The following CNST variants were observed in gnomAD, a reference collection of about 807,000 sequenced individuals.
The protein encoded by CNST is consortin, connexin sorting protein.
In CNST, 39 loss-of-function variants were observed where a neutral mutation model predicts 72.4. The observed-to-expected ratio is 0.54, with a 90% confidence interval of 0.42 to 0.70. The LOEUF (loss-of-function observed/expected upper bound fraction) is 0.70. Ranked by LOEUF, CNST falls within the 30% of genes least tolerant of loss-of-function variation. The pLI, the probability that CNST is intolerant of heterozygous loss-of-function variation, is 0.00. For missense variants in CNST, 871 were observed against 868.5 expected, an observed-to-expected ratio of 1.00 and a Z score of -0.04; for synonymous variants, 332 against 320.1, an observed-to-expected ratio of 1.04 and a Z score of -0.40.
Position 246,663,929 on chromosome 1 carries a change from T to C in CNST, c.1973-1771T>C, listed in dbSNP as rs375456371. Among the ~76,000 whole-genome samples, 52 of 152,290 alleles carry C rather than the reference T, an allele frequency of 3.4e-4. 1 individual carries two copies. In the South Asian group the frequency reaches 0.01, roughly 30 times the overall value. ...GAAAAACGGATAGTCCCTTAGACTC[T>C]AAGATGCTTTTGGGGTTGCGTTTTT... On this transcript the variant is annotated intron_variant, in intron 10 of 10. Transcript: ENST00000366513.
intron 1 of CNST, among the ~76,000 whole-genome samples, chr1:246,580,094 C>A (rs945326330): frequency 6.6e-6 from 1 of 152,146 alleles, no homozygotes; most frequent in African/African-American, 2.4e-5. Context: ...CTGGTACTTA[C>A]GAATGACGGG....
chr1:246,616,993 T>A (rs1257999792), intron 2 of CNST, among the ~76,000 whole-genome samples: 2 of 152,222 alleles, frequency 1.3e-5, no homozygotes, highest in Non-Finnish European at 2.9e-5. Flanking sequence ...TTTAAAATCT[T>A]AGTATATTAT....
intron 2 of CNST, among the ~76,000 whole-genome samples, chr1:246,618,348 C>G (rs555843604): frequency 1.2e-4 from 19 of 152,274 alleles, no homozygotes; most frequent in African/African-American, 3.4e-4. Flanking sequence ...TGCTCCTTTC[C>G]CAGTGCTCTC....
At chr1:246,663,348 A>G (rs534443481) in intron 10 of CNST, among the ~76,000 whole-genome samples, 6 of 152,176 alleles carry the variant, frequency 3.9e-5, no homozygotes, top group Admixed American at 1.3e-4. Context: ...AAAAAAAAAA[A>G]AAAAGAAAGA....
intron 9 of CNST, among the ~76,000 whole-genome samples, chr1:246,651,402 C>CT (rs1172104982): frequency 1.3e-5 from 2 of 152,118 alleles, no homozygotes; most frequent in Non-Finnish European, 2.9e-5. Flanking sequence ...CTGGTTTGTT[C>CT]TTTCTTTGCC....
At chr1:246,571,529 C>G (rs1208684878) in intron 1 of CNST, among the ~76,000 whole-genome samples, 2 of 152,150 alleles carry the variant, frequency 1.3e-5, no homozygotes, top group Non-Finnish European at 2.9e-5. Flanking sequence ...TACCCTCCAC[C>G]CTTCCGTCTC....
chr1:246,666,052 C>T lies in CNST; in HGVS notation c.*147C>T, dbSNP rs544316749. The T allele has an allele frequency of 9.9e-6, 6 of 606,158 alleles. No homozygotes were observed. Among genetic ancestry groups the T allele is most frequent in the African/African-American group, 1.8e-5 (1 of 54,060 alleles). The allele number at this position is 606,158 out of a possible 1,614,324, so 37.5% of individuals were successfully genotyped here. On this transcript the variant is annotated 3_prime_UTR_variant, in exon 11 of 11. Coordinates refer to ENST00000366513, the MANE Select transcript of CNST (RefSeq NM_152609.3). ...GAAATAGCAACTTTAAGTGGCAAGC[C>T]GGAGGAACTCTGTTAGAATAATCCA...
At chr1:246,636,387 G>A (rs1323126950) in intron 6 of CNST, among the ~76,000 whole-genome samples, 1 of 152,070 alleles carries the variant, frequency 6.6e-6, no homozygotes, top group African/African-American at 2.4e-5. Flanking sequence ...GTAATTAAGG[G>A]GGAAGGTCTA....
chr1:246,591,324 G>A (rs1265874704), intron 1 of CNST, among the ~76,000 whole-genome samples, 188 bp from the exon 2 acceptor site: 1 of 152,200 alleles, frequency 6.6e-6, no homozygotes, highest in African/African-American at 2.4e-5. Context: ...CTTGACACCT[G>A]TAGTATTCAT....
intron 9 of CNST, chr1:246,648,275 T>G: frequency 8.1e-7 from 1 of 1,232,396 alleles, no homozygotes; most frequent in Non-Finnish European, 1.0e-6. Context: ...CCAGCTAGAG[T>G]GAGCGTTATT....
rs1015898002 is a variant in CNST, at chr1:246,639,184, G to A, written c.819-2565G>A. ...AGAACATGTAGTGCAACTCCACGCC[G>A]TTCGTCGGGATAGAGAGAAAGGTTT... On this transcript the variant is annotated intron_variant, in intron 6 of 10. Coordinates refer to ENST00000366513, the MANE Select transcript of CNST (RefSeq NM_152609.3). Among the ~76,000 whole-genome samples, 13 of 152,146 alleles carry A rather than the reference G, an allele frequency of 8.5e-5. No homozygotes were observed. The East Asian group carries it at 9.7e-4, about 11-fold the overall frequency.
intron 3 of CNST, among the ~76,000 whole-genome samples, chr1:246,630,110 A>G (rs760153510): frequency 3.3e-5 from 5 of 152,228 alleles, no homozygotes; most frequent in African/African-American, 9.6e-5. Context: ...CTGACATATG[A>G]GAACCATGTT....
At chr1:246,607,658 C>G (rs1662970740) in intron 2 of CNST, 3 of 116,652 alleles carry the variant, frequency 2.6e-5, no homozygotes, top group African/African-American at 1.0e-4. Context: ...CGGATGGCCT[C>G]TCTCTCGATC....
In CNST at chr1:246,621,439, A is replaced by T. The variant is rs372687859; in HGVS notation, c.390A>T (p.Ser130=). The T allele has an allele frequency of 9.9e-6, 16 of 1,612,694 alleles. No individual in the cohort carries two copies. The highest frequency in any genetic ancestry group is 1.3e-5 in the African/African-American group (1 of 74,912). ...TAKKIPPGLF[S]GDIAPLMQEK... is the part of the protein sequence containing the mutation. ...CTTTACTTCTTAAAGGACTTTTTTC[A>T]GGAGATATTGCACCTTTAATGCAAG... is the stretch of plus-strand genomic sequence containing the variant. Residue 130 remains serine, a synonymous_variant, in exon 3 of 11, where the codon TCA becomes TCT. Transcript: ENST00000366513.
intron 2 of CNST, among the ~76,000 whole-genome samples, chr1:246,599,111 T>C (rs1336221148): frequency 6.6e-6 from 1 of 151,684 alleles, no homozygotes; most frequent in East Asian, 1.9e-4. Flanking sequence ...GTTCCTGATT[T>C]ATATAGAGTC....
chr1:246,609,127 A>G (rs768511555), intron 2 of CNST, among the ~76,000 whole-genome samples: 2 of 152,182 alleles, frequency 1.3e-5, no homozygotes, highest in Non-Finnish European at 2.9e-5. Flanking sequence ...ATAATCACAT[A>G]ATACATTCTT....
chr1:246,652,807 A>G (rs56849803), intron 9 of CNST, among the ~76,000 whole-genome samples: 7,115 of 150,932 alleles, frequency 0.047, 551 homozygotes, highest in African/African-American at 0.16. Context: ...GATCGAGACC[A>G]TCCTGGCTAA....
At chr1:246,592,120 A>G (rs184550752) in intron 2 of CNST, among the ~76,000 whole-genome samples, 179 bp downstream of exon 2, 1 of 152,244 alleles carries the variant, frequency 6.6e-6, no homozygotes, top group East Asian at 1.9e-4. Context: ...ACGTCTCCAC[A>G]CTGTTCCACC....
chr1:246,591,526 T>C lies in CNST; in HGVS notation c.-37T>C. ...TGTCATTGTAGACATGGAAGGTCTTTAATGTAACTTTAAATGGTTCACCAA... is the reference window on the plus strand; with the variant it reads ...TGTCATTGTAGACATGGAAGGTCTTCAATGTAACTTTAAATGGTTCACCAA... On this transcript the variant is annotated 5_prime_UTR_variant, in exon 2 of 11. The change abolishes the stop of an existing upstream ORF in the 5' untranslated region. Coordinates refer to ENST00000366513, the MANE Select transcript of CNST (RefSeq NM_152609.3). 6 of 1,610,966 alleles carry C rather than the reference T, an allele frequency of 3.7e-6. No individual in the cohort carries two copies. The highest frequency in any genetic ancestry group is 5.1e-6 in the Non-Finnish European group (6 of 1,177,926).
Sources: gnomAD v4.1 joint callset for allele counts (sites outside exome capture counted in the v4.1 genomes callset) on GRCh38, gnomAD v4.1.1 for gene constraint, MANE v1.5 for transcripts, NCBI Gene and HGNC (gene_info 2026-07-23, HGNC 2026-07-21) for gene names.